Variants in BMPER observed in about 807,000 individuals in gnomAD.
BMPER encodes BMP-binding endothelial regulator protein.
A neutral mutation model predicts 87.3 loss-of-function variants in BMPER; 45 were observed. The observed-to-expected ratio is 0.52, with a 90% CI of 0.41 to 0.66. The LOEUF is 0.66. BMPER is among the 30% of genes least tolerant of loss of function. BMPER has a pLI of 0.00. For synonymous variants in BMPER, 326 were observed against 316.2 expected (o/e 1.03, Z -0.33); for missense variants, 784 against 867.5 (o/e 0.90, Z 1.21).
chr7:34,029,824 G>A (rs1255591644), intron 6 of BMPER, among the ~76,000 whole-genome samples: 1 of 152,044 alleles, frequency 6.6e-6, no homozygotes, highest in East Asian at 1.9e-4. Context: ...GAAACCACAT[G>A]TCCCACATAA....
intron 1 of BMPER, 86 bp downstream of exon 1, chr7:33,905,832 G>A: frequency 2.0e-6 from 2 of 988,042 alleles, no homozygotes; most frequent in South Asian, 2.6e-5. Context: ...CCGGGGATGG[G>A]AGGGTGGGGA....
At chr7:34,093,011 A>T (rs891910414) in intron 13 of BMPER, among the ~76,000 whole-genome samples, 18 of 152,226 alleles carry the variant, frequency 1.2e-4, no homozygotes, top group African/African-American at 4.3e-4. Flanking sequence ...CACAGTCCAC[A>T]CAGGACTACT....
At chr7:34,079,919 G>A (rs1224105610) in intron 12 of BMPER, among the ~76,000 whole-genome samples, 1 of 151,954 alleles carries the variant, frequency 6.6e-6, no homozygotes, top group Non-Finnish European at 1.5e-5. Context: ...TCAAACTCTT[G>A]TCTGTTACTT....
chr7:33,921,717 C>A (rs978907926), intron 2 of BMPER: 2 of 470,806 alleles, frequency 4.2e-6, no homozygotes, highest in Non-Finnish European at 8.8e-6. Flanking sequence ...TGTGGTCTTT[C>A]TGGGATGGGT....
chr7:33,925,575 C>A (rs2128605797), intron 2 of BMPER, among the ~76,000 whole-genome samples: 1 of 152,214 alleles, frequency 6.6e-6, no homozygotes, highest in Non-Finnish European at 1.5e-5. Flanking sequence ...AAGTTAAAAT[C>A]CAGTATGTTA....
In BMPER at chr7:34,026,108, G is replaced by A. The variant is rs148224281; in HGVS notation, c.577-20198G>A. Reference sequence around the variant, plus strand: ...CCTGGCATGGTAAAAAGGATAATTCGGGATCCAGTCCCTCTGGTGAGCTGG... The same window carrying A: ...CCTGGCATGGTAAAAAGGATAATTCAGGATCCAGTCCCTCTGGTGAGCTGG... On this transcript the variant is annotated intron_variant, in intron 6 of 14. Coordinates refer to ENST00000649409, the MANE Select transcript of BMPER (RefSeq NM_001365308.1). 7.0e-3 allele frequency among the ~76,000 whole-genome samples: 1,062 copies of A among 152,104 alleles called. 5 individuals carry two copies. The highest frequency in any genetic ancestry group is 0.011 in the Non-Finnish European group (732 of 67,966).
intron 3 of BMPER, among the ~76,000 whole-genome samples, chr7:33,956,885 T>C (rs1030066460): frequency 2.6e-5 from 4 of 152,176 alleles, no homozygotes; most frequent in Admixed American, 2.0e-4. Flanking sequence ...TGAAAAGTTA[T>C]ATTGAATTTT....
At chr7:33,936,606 T>C (rs1784609638) in intron 2 of BMPER, among the ~76,000 whole-genome samples, 1 of 152,230 alleles carries the variant, frequency 6.6e-6, no homozygotes, top group Non-Finnish European at 1.5e-5. Context: ...ATATTCATCA[T>C]GTTTGTATCT....
rs566281745 is a variant in BMPER at position 33,966,219 on chromosome 7, G to C, written c.320-260G>C. Among the ~76,000 whole-genome samples the C allele has an allele frequency of 7.9e-5, 12 of 152,246 alleles. No homozygotes were observed. The East Asian group carries it at 2.1e-3, about 27-fold the overall frequency. On this transcript the variant is annotated intron_variant, in intron 3 of 14. Transcript: ENST00000649409. ...GAGGTTATACATTTTGGCCATGAGA[G>C]TTCATCAATCTATGGCTTTGCACTT...
At chr7:33,916,201 T>C (rs1784084085) in intron 2 of BMPER, among the ~76,000 whole-genome samples, 1 of 152,232 alleles carries the variant, frequency 6.6e-6, no homozygotes, top group Admixed American at 6.5e-5. Flanking sequence ...CTGTTAAAGA[T>C]GGGAAACCCT....
chr7:33,996,742 A>T (rs935355145), intron 6 of BMPER, among the ~76,000 whole-genome samples: 1 of 152,198 alleles, frequency 6.6e-6, no homozygotes, highest in African/African-American at 2.4e-5. Flanking sequence ...TTTCCATTAA[A>T]ATAAGTTTAA....
At chr7:33,993,016 G>C (rs1184141325) in intron 6 of BMPER, among the ~76,000 whole-genome samples, 3 of 139,188 alleles carry the variant, frequency 2.2e-5, no homozygotes, top group African/African-American at 2.7e-5. Flanking sequence ...TCCCTTTGAG[G>C]GTAACCCGAC....
Position 34,153,465 on chromosome 7 carries a change from G to A in BMPER, c.*192G>A, listed in dbSNP as rs1791237054. The A allele has an allele frequency of 6.4e-6, 4 of 622,024 alleles. No homozygotes were observed. The highest frequency in any genetic ancestry group is 1.1e-5 in the Non-Finnish European group (4 of 368,704). 38.5% of individuals were successfully genotyped at this position (622,024 alleles called of 1,614,324 possible). A position where few individuals can be genotyped will look rare whatever the true frequency, so the allele number is the denominator to read the frequency against. ...ATGAACTATAGGGGGATTATTATAT[G>A]TATATTTTTTGCTATAAGACATGTA... On this transcript the variant is annotated 3_prime_UTR_variant, in exon 15 of 15. Transcript: ENST00000649409.
chr7:34,125,944 AC>A (rs1790390884), intron 13 of BMPER, among the ~76,000 whole-genome samples: 2 of 152,194 alleles, frequency 1.3e-5, no homozygotes, highest in African/African-American at 4.8e-5. Flanking sequence ...ACAGATGAAC[AC>A]CTGCAATGTG....
chr7:34,118,997 GTC>G (rs71554125), intron 13 of BMPER, among the ~76,000 whole-genome samples: 5 of 97,852 alleles, frequency 5.1e-5, no homozygotes, highest in Middle Eastern at 4.8e-3. Flanking sequence ...CTCTCTCACT[GTC>G]TCTCTCTCTC....
intron 6 of BMPER, among the ~76,000 whole-genome samples, chr7:33,981,839 T>A (rs141717750): frequency 1.7e-4 from 26 of 152,230 alleles, no homozygotes; most frequent in African/African-American, 6.0e-4. Flanking sequence ...TATGATAAAT[T>A]GTTTGGTATG....
Position 33,970,347 on chromosome 7 carries a change from T to G in BMPER, c.421T>G (p.Ser141Ala), listed in dbSNP as rs776080389. 7 of 1,614,042 alleles carry G rather than the reference T, an allele frequency of 4.3e-6. No homozygotes were observed. Among genetic ancestry groups the G allele is most frequent in the Non-Finnish European group, 5.1e-6 (6 of 1,179,956 alleles). ...RQCQEGVVTE[S>A]GVRCVVHCKN... ...GTTTCAGGAGGGCGTTGTCACAGAG[T>G]CTGGGGTGCGCTGTGTTGTTCATTG... The change falls in exon 5 of 15, where the codon TCT becomes GCT. Residue 141 changes from serine (S) to alanine (A), a missense_variant. Coordinates refer to ENST00000649409, the MANE Select transcript of BMPER (RefSeq NM_001365308.1).
chr7:34,075,567 A>G (rs1024246594), intron 11 of BMPER, among the ~76,000 whole-genome samples: 2 of 152,316 alleles, frequency 1.3e-5, no homozygotes, highest in Non-Finnish European at 2.9e-5. Context: ...CACCAGTCAT[A>G]AGCTGGCATC....
Position 34,154,723 on chromosome 7 carries a change from A to G in BMPER, c.*1450A>G, listed in dbSNP as rs1287926092. 1 of 151,652 alleles carries G rather than the reference A, an allele frequency of 6.6e-6. No homozygotes were observed. The highest frequency in any genetic ancestry group is 1.5e-5 in the Non-Finnish European group (1 of 68,014). The allele number at this position is 151,652 out of a possible 1,614,324, so 9.4% of individuals were successfully genotyped here. A position where few individuals can be genotyped will look rare whatever the true frequency, so the allele number is the denominator to read the frequency against. On this transcript the variant is annotated 3_prime_UTR_variant, in exon 15 of 15. Coordinates refer to ENST00000649409, the MANE Select transcript of BMPER (RefSeq NM_001365308.1). ...TGTTTCTTTTACATTCATGACAGCT[A>G]AAGTATTAACTTGGAATTTTTTTTT...
Sources: allele counts gnomAD v4.1 joint callset (sites outside exome capture counted in the v4.1 genomes callset), GRCh38; gene constraint gnomAD v4.1.1; transcripts MANE v1.5; gene names NCBI Gene and HGNC (gene_info 2026-07-23, HGNC 2026-07-21).